CRISPLD1: variants seen among roughly 807,000 people sequenced by gnomAD.
CRISPLD1 encodes cysteine-rich secretory protein LCCL domain-containing 1.
Under a neutral mutation model 77.5 loss-of-function variants are expected in CRISPLD1, and 60 were observed. The ratio of observed to expected loss-of-function variants is 0.77; its 90% CI spans 0.63 to 0.96. The LOEUF is 0.96. Among genes scored for constraint, CRISPLD1 ranks in the 40% least tolerant of loss-of-function variants. The pLI is 0.00. For synonymous variants in CRISPLD1, 195 were observed against 200.1 expected (o/e 0.97, Z 0.22); for missense variants, 623 against 615.8 (o/e 1.01, Z -0.12).
intron 2 of CRISPLD1, among the ~76,000 whole-genome samples, chr8:75,002,278 C>T (rs1812755113): frequency 6.7e-6 from 1 of 150,062 alleles, no homozygotes; most frequent in South Asian, 2.1e-4. Context: ...CAGCAATGTT[C>T]CCAATGTGAA....
At chr8:74,996,074 T>C (rs946592657) in intron 2 of CRISPLD1, among the ~76,000 whole-genome samples, 5 of 150,376 alleles carry the variant, frequency 3.3e-5, no homozygotes, top group Non-Finnish European at 7.4e-5. Context: ...ATGTGTTTTA[T>C]ATATATATAC....
intron 2 of CRISPLD1, among the ~76,000 whole-genome samples, chr8:75,001,478 TA>T (rs1483943220): frequency 6.6e-6 from 1 of 152,174 alleles, no homozygotes; most frequent in Non-Finnish European, 1.5e-5. Context: ...CACAGTATGG[TA>T]AGAAGTACAA....
chr8:75,016,765 G>T (rs1455021248), intron 7 of CRISPLD1, 60 bp downstream of exon 7: 1 of 1,557,212 alleles, frequency 6.4e-7, no homozygotes, highest in Non-Finnish European at 8.7e-7. Flanking sequence ...TATCCATCAA[G>T]ATTTTATTAA....
intron 2 of CRISPLD1, among the ~76,000 whole-genome samples, chr8:75,007,052 C>A (rs1007631340): frequency 1.3e-5 from 2 of 151,934 alleles, no homozygotes; most frequent in African/African-American, 4.8e-5. Context: ...ATTCTTGAAA[C>A]CTCAATTATC....
intron 1 of CRISPLD1, among the ~76,000 whole-genome samples, 193 bp downstream of exon 1, chr8:74,985,113 C>T (rs1481069342): frequency 6.6e-6 from 1 of 152,030 alleles, no homozygotes; most frequent in Non-Finnish European, 1.5e-5. Context: ...TTGTAAGTGA[C>T]TTTGTTGGTT....
At chr8:75,005,490 A>C (rs1455810) in intron 2 of CRISPLD1, among the ~76,000 whole-genome samples, 11,303 of 152,122 alleles carry the variant, frequency 0.074, 454 homozygotes, top group South Asian at 0.091. Context: ...ATACTTTTGT[A>C]TCTGTCTGTA....
rs561248339 is a variant in CRISPLD1 at position 75,025,496 on chromosome 8, CTT to C, written c.1245-49_1245-48del. 8.1e-6 allele frequency: 6 copies of C among 743,600 alleles called. 1 individual carries two copies. The South Asian group carries it at 1.4e-4, about 17-fold the overall frequency. 46.1% of individuals were successfully genotyped at this position (743,600 alleles called of 1,614,324 possible). ...TCTGTGGTTTTACTAATAAGAAAGA[CTT>C]AAGTAACCAGCTTACTTAATATATA... On this transcript the variant is annotated intron_variant, in intron 12 of 14. Transcript: ENST00000262207.
At chr8:74,993,777 T>G (rs1812609303) in intron 2 of CRISPLD1, among the ~76,000 whole-genome samples, 3 of 152,230 alleles carry the variant, frequency 2.0e-5, no homozygotes, top group Non-Finnish European at 4.4e-5. Context: ...GGAATTGTGC[T>G]TTTATTCATT....
At chr8:75,010,793 T>G (rs1277521092) in intron 2 of CRISPLD1, among the ~76,000 whole-genome samples, 2 of 152,094 alleles carry the variant, frequency 1.3e-5, no homozygotes, top group African/African-American at 2.4e-5. Context: ...ATTTTCTTTT[T>G]TATTCGTCTT....
chr8:74,993,960 A>G (rs1159364725), intron 2 of CRISPLD1, among the ~76,000 whole-genome samples: 2 of 152,232 alleles, frequency 1.3e-5, no homozygotes, highest in African/African-American at 4.8e-5. Flanking sequence ...AGATGAGGTT[A>G]CAGATTTAAC....
intron 9 of CRISPLD1, 71 bp downstream of exon 9, chr8:75,017,184 A>G (rs1813047295): frequency 6.6e-7 from 1 of 1,520,380 alleles, no homozygotes; most frequent in Non-Finnish European, 9.1e-7. Context: ...ATTGTGCAAA[A>G]TAACACCTTA....
intron 2 of CRISPLD1, among the ~76,000 whole-genome samples, chr8:75,000,687 A>G (rs539595904): frequency 6.6e-6 from 1 of 152,070 alleles, no homozygotes; most frequent in South Asian, 2.1e-4. Context: ...CCATAGCCTC[A>G]TTTACATGCC....
intron 12 of CRISPLD1, among the ~76,000 whole-genome samples, chr8:75,024,814 A>G (rs994868571): frequency 6.6e-6 from 1 of 152,162 alleles, no homozygotes; most frequent in African/African-American, 2.4e-5. Flanking sequence ...TGTACAGCCA[A>G]TGGAAATTGC....
chr8:75,028,962 C>T (rs1217523283), intron 13 of CRISPLD1, among the ~76,000 whole-genome samples: 1 of 152,106 alleles, frequency 6.6e-6, no homozygotes, highest in Admixed American at 6.6e-5. Flanking sequence ...AGTGAACATA[C>T]ATGAGGGATG....
At chr8:74,992,883 A>G (rs1812592919) in intron 2 of CRISPLD1, among the ~76,000 whole-genome samples, 1 of 146,870 alleles carries the variant, frequency 6.8e-6, no homozygotes. Context: ...TTCTAAGGCC[A>G]TGCTTAAAAT....
chr8:75,017,504 C>G (rs1169071468), intron 10 of CRISPLD1, 54 bp downstream of exon 10: 1 of 1,458,810 alleles, frequency 6.9e-7, no homozygotes, highest in Non-Finnish European at 9.2e-7. Context: ...TAACAGTGAG[C>G]TAACACATTT....
chr8:75,016,745 A>G, intron 7 of CRISPLD1, 40 bp downstream of exon 7: 1 of 1,582,294 alleles, frequency 6.3e-7, no homozygotes, highest in South Asian at 1.2e-5. Context: ...TTCAAAGTAC[A>G]TAAATGGTAT....
chr8:74,985,481 A>G (rs1812481133), intron 1 of CRISPLD1, among the ~76,000 whole-genome samples: 1 of 152,228 alleles, frequency 6.6e-6, no homozygotes, highest in African/African-American at 2.4e-5. Context: ...GGCCACTGGA[A>G]TAAAATAATA....
chr8:74,991,396 G>A (rs554175206), intron 2 of CRISPLD1, among the ~76,000 whole-genome samples: 3 of 152,152 alleles, frequency 2.0e-5, no homozygotes, highest in Admixed American at 1.3e-4. Flanking sequence ...TTGCACAAAA[G>A]TTCTGTTGAC....
Sources: gnomAD v4.1 joint callset for allele counts (sites outside exome capture counted in the v4.1 genomes callset) on GRCh38, gnomAD v4.1.1 for gene constraint, MANE v1.5 for transcripts, NCBI Gene and HGNC (gene_info 2026-07-23, HGNC 2026-07-21) for gene names.